The following HDAC3 variants were observed in gnomAD, a reference collection of about 807,000 sequenced individuals.
HDAC3 encodes the protein histone deacetylase 3.
A neutral mutation model predicts 62.3 loss-of-function variants in HDAC3; 21 were observed. The ratio of observed to expected loss-of-function variants is 0.34; its 90% confidence interval spans 0.24 to 0.49. HDAC3 has a LOEUF of 0.49. Among genes scored for constraint, HDAC3 ranks in the 20% least tolerant of loss-of-function variants. HDAC3 has a pLI of 0.99. For synonymous variants in HDAC3, 198 were observed against 206.5 expected (o/e 0.96, Z 0.35); for missense variants, 270 against 556.9 (o/e 0.48, Z 5.19).
chr5:141,633,141 C>T (rs926378954), intron 3 of HDAC3, among the ~76,000 whole-genome samples: 1 of 152,210 alleles, frequency 6.6e-6, no homozygotes, highest in Admixed American at 6.5e-5. Context: ...GCAGAGTAAG[C>T]ACTCAGTAAA....
In HDAC3 at chr5:141,626,611, G is replaced by A. The variant is rs1034755215; in HGVS notation, c.831-328C>T. On this transcript the variant is annotated intron_variant, in intron 10 of 14. Transcript: ENST00000305264. The surrounding 1 kb of genome is among the most constrained non-coding windows in gnomAD (Gnocchi z 4.6). ...AACTCACGCCCGGCGCGGTGCTCAC[G>A]CCTTTGTAGTAGTCCCAGCTACTCA... 1.6e-5 allele frequency: 5 copies of A among 319,444 alleles called. No homozygotes were observed. The highest frequency in any genetic ancestry group is 8.6e-5 in the African/African-American group (4 of 46,620). 19.8% of individuals were successfully genotyped at this position (319,444 alleles called of 1,614,324 possible). A position where few individuals can be genotyped will look rare whatever the true frequency, so the allele number is the denominator to read the frequency against.
At position 141,634,893 on chromosome 5, in the gene HDAC3, T is replaced by C. The variant is rs769661056; in HGVS notation, c.199A>G (p.Ile67Val). The C allele has an allele frequency of 3.1e-6, 5 of 1,614,016 alleles. No homozygotes were observed. Among genetic ancestry groups the C allele is most frequent in the Non-Finnish European group, 1.7e-6 (2 of 1,180,032 alleles). Residue 67 changes from isoleucine (I) to valine (V), a missense_variant, in exon 3 of 15, where the codon ATT becomes GTT. By Grantham distance (29) the Ile-to-Val change is conservative. Around this residue, in one of 5 missense-constraint regions of HDAC3, gnomAD observed 32 missense variants for 37.4 expected, o/e 0.86. Transcript: ENST00000305264. ...GGGCTGACTCTCTGCAGGAAGTCAA[T>C]GTAGTCCTCGGAGTGGAAGCGGCAC... Reference protein sequence around the residue: ...DMCRFHSEDYIDFLQRVSPTN... With the variant: ...DMCRFHSEDYVDFLQRVSPTN...
chr5:141,633,196 C>A (rs2099905484), intron 3 of HDAC3, among the ~76,000 whole-genome samples: 1 of 152,146 alleles, frequency 6.6e-6, no homozygotes, highest in African/African-American at 2.4e-5. Flanking sequence ...AACCTGGTTT[C>A]TTCAAGAAAT....
intron 3 of HDAC3, among the ~76,000 whole-genome samples, chr5:141,631,750 G>A (rs1318916456): frequency 2.0e-5 from 3 of 152,168 alleles, no homozygotes; most frequent in African/African-American, 7.2e-5. Flanking sequence ...TAACCTTTCT[G>A]TGCTTAAGTG....
chr5:141,631,007 T>A (rs1421611417), intron 3 of HDAC3, among the ~76,000 whole-genome samples: 1 of 152,056 alleles, frequency 6.6e-6, no homozygotes, highest in Non-Finnish European at 1.5e-5. Context: ...ATATATTCTA[T>A]CAAACCTCTC....
intron 3 of HDAC3, among the ~76,000 whole-genome samples, chr5:141,632,105 C>A (rs1356056334): frequency 6.6e-6 from 1 of 152,034 alleles, no homozygotes; most frequent in Non-Finnish European, 1.5e-5. Context: ...GTCACTGCAA[C>A]CTCCAACTCC....
chr5:141,621,304 A>G lies in HDAC3; in HGVS notation c.*164T>C. On this transcript the variant is annotated 3_prime_UTR_variant, in exon 15 of 15. Transcript: ENST00000305264. ...TGTCAGGCCTTGGGAGAGAGAGGAAAAGCAGGTAGATGGTTCGAGAACCAA... is the reference window on the plus strand; with the variant it reads ...TGTCAGGCCTTGGGAGAGAGAGGAAGAGCAGGTAGATGGTTCGAGAACCAA... The G allele has an allele frequency of 4.6e-6, 3 of 656,126 alleles. No individual in the cohort carries two copies. In the South Asian group the frequency reaches 4.9e-5, roughly 11 times the overall value. The allele number at this position is 656,126 out of a possible 1,614,324, so 40.6% of individuals were successfully genotyped here.
rs2099904705 is a variant in HDAC3, at chr5:141,628,084, A to AC, written c.765+29dup. ...CTCTCTTTCCCCAAGCCCAGGCAGA[A>AC]CACTCCTGAGGAGGAACTGACAGTA... On this transcript the variant is annotated intron_variant, in intron 9 of 14. Coordinates refer to ENST00000305264, the MANE Select transcript of HDAC3 (RefSeq NM_003883.4). This position sits in a 1 kb window ranked among gnomAD's most constrained non-coding sequence, Gnocchi z 4.7. 1.9e-6 allele frequency: 3 copies of AC among 1,610,228 alleles called. No individual in the cohort carries two copies. Among genetic ancestry groups the AC allele is most frequent in the Non-Finnish European group, 2.6e-6 (3 of 1,176,440 alleles).
intron 10 of HDAC3, among the ~76,000 whole-genome samples, chr5:141,627,642 G>A (rs2099904633): frequency 6.6e-6 from 1 of 151,990 alleles, no homozygotes; most frequent in African/African-American, 2.4e-5. Context: ...AACTCCATGG[G>A]AGACTCCTTA....
chr5:141,625,807 C>G lies in HDAC3; in HGVS notation c.980-43G>C. The G allele has an allele frequency of 1.3e-6, 2 of 1,569,662 alleles. No homozygotes were observed. Among genetic ancestry groups the G allele is most frequent in the African/African-American group, 1.3e-5 (1 of 74,098 alleles). Reference sequence around the variant, plus strand: ...AAAGTATGGCTCAGACTGAGAAAGGCAGCTAACAAGACTTCCCAATCTTTT... The same window carrying G: ...AAAGTATGGCTCAGACTGAGAAAGGGAGCTAACAAGACTTCCCAATCTTTT... On this transcript the variant is annotated intron_variant, in intron 12 of 14. Coordinates refer to ENST00000305264, the MANE Select transcript of HDAC3 (RefSeq NM_003883.4). This position sits in a 1 kb window ranked among gnomAD's most constrained non-coding sequence, Gnocchi z 4.0.
At chr5:141,635,777 T>TA (rs2099905882) in intron 2 of HDAC3, 2 of 152,362 alleles carry the variant, frequency 1.3e-5, no homozygotes, top group South Asian at 4.1e-4. Context: ...CTACTTTTTT[T>TA]ATTTTTATTT....
At chr5:141,621,653 T>C in intron 14 of HDAC3, 116 bp from the exon 15 acceptor site, 1 of 742,152 alleles carries the variant, frequency 1.3e-6, no homozygotes, top group Non-Finnish European at 2.4e-6. Flanking sequence ...CTCTTGTTGG[T>C]AGAGACTGCT....
At chr5:141,631,219 G>A (rs1240828402) in intron 3 of HDAC3, among the ~76,000 whole-genome samples, 3 of 152,034 alleles carry the variant, frequency 2.0e-5, no homozygotes, top group Non-Finnish European at 4.4e-5. Flanking sequence ...ATGGGGTCTT[G>A]CTCTGTCGCC....
chr5:141,625,009 T>C lies in HDAC3; in HGVS notation c.1217+199A>G. 1.8e-6 allele frequency: 1 copy of C among 562,804 alleles called. No individual in the cohort carries two copies. Among genetic ancestry groups the C allele is most frequent in the Non-Finnish European group, 3.1e-6 (1 of 323,584 alleles). The allele number at this position is 562,804 out of a possible 1,614,324, so 34.9% of individuals were successfully genotyped here. The stretch of plus-strand genomic sequence containing the variant: ...ATTGTGTGAACGCCAACACCATATT[T>C]TGGTGCTGTTTTAAAATTTTGCAAT... On this transcript the variant is annotated intron_variant, in intron 14 of 14. Coordinates refer to ENST00000305264, the MANE Select transcript of HDAC3 (RefSeq NM_003883.4). This position sits in a 1 kb window ranked among gnomAD's most constrained non-coding sequence, Gnocchi z 4.0.
Position 141,628,893 on chromosome 5 carries a change from A to G in HDAC3, c.611-254T>C, listed in dbSNP as rs1460488790. On this transcript the variant is annotated intron_variant, in intron 7 of 14. Coordinates refer to ENST00000305264, the MANE Select transcript of HDAC3 (RefSeq NM_003883.4). The surrounding 1 kb of genome is among the most constrained non-coding windows in gnomAD (Gnocchi z 4.7). Reference sequence around the variant, plus strand: ...CTAATGAAATTTACGATATCCCACCACGCTTATATTCTTAGGGAATAGCCA... The same window carrying G: ...CTAATGAAATTTACGATATCCCACCGCGCTTATATTCTTAGGGAATAGCCA... 6.6e-6 allele frequency among the ~76,000 whole-genome samples: 1 copy of G among 152,180 alleles called. No individual in the cohort carries two copies. Among genetic ancestry groups the G allele is most frequent in the Non-Finnish European group, 1.5e-5 (1 of 68,020 alleles).
intron 2 of HDAC3, among the ~76,000 whole-genome samples, chr5:141,635,546 A>G (rs1384970225): frequency 1.3e-5 from 2 of 152,266 alleles, no homozygotes; most frequent in Non-Finnish European, 2.9e-5. Flanking sequence ...GCCTTGGCAC[A>G]AGCAATGAAC....
chr5:141,631,970 G>T (rs544979590), intron 3 of HDAC3, among the ~76,000 whole-genome samples: 1 of 151,928 alleles, frequency 6.6e-6, no homozygotes, highest in East Asian at 1.9e-4. Context: ...GGAGCTGAAA[G>T]TGGCTGTCAC....
intron 10 of HDAC3, among the ~76,000 whole-genome samples, chr5:141,627,687 A>G (rs1267355257): frequency 1.3e-5 from 2 of 152,304 alleles, no homozygotes; most frequent in African/African-American, 2.4e-5. Flanking sequence ...TGCCTGGAAC[A>G]TAACAGGTGC....
intron 14 of HDAC3, 144 bp from the exon 15 acceptor site, chr5:141,621,681 C>T (rs552141540): frequency 3.1e-6 from 2 of 644,054 alleles, no homozygotes; most frequent in South Asian, 1.8e-5. Context: ...CACCCATTCA[C>T]GTATCAAATA....
Sources: allele counts gnomAD v4.1 joint callset (sites outside exome capture counted in the v4.1 genomes callset), GRCh38; gene constraint gnomAD v4.1.1; regional missense constraint gnomAD v4.1.1; non-coding constraint Gnocchi (gnomAD v3.1); transcripts MANE v1.5; gene names NCBI Gene and HGNC (gene_info 2026-07-23, HGNC 2026-07-21).